The following CCDC60 variants were observed in gnomAD, a reference collection of about 807,000 sequenced individuals.
The protein encoded by CCDC60 is coiled-coil domain-containing protein 60.
Under a neutral mutation model 63.5 loss-of-function variants are expected in CCDC60, and 54 were observed. The observed-to-expected ratio is 0.85, with a 90% CI of 0.68 to 1.07. The LOEUF is 1.07. Ranked by LOEUF, CCDC60 falls within the 50% of genes least tolerant of loss-of-function variation. The pLI is 0.00. For synonymous variants in CCDC60, 206 were observed against 238.8 expected (o/e 0.86, Z 1.27); for missense variants, 651 against 684.3 (o/e 0.95, Z 0.54).
intron 2 of CCDC60, among the ~76,000 whole-genome samples, chr12:119,449,936 C>T (rs1403597207): frequency 2.6e-5 from 4 of 152,058 alleles, no homozygotes; most frequent in African/African-American, 9.7e-5. Context: ...GGGTATACAC[C>T]CAAAGAAAAA....
intron 2 of CCDC60, among the ~76,000 whole-genome samples, chr12:119,465,245 C>T (rs1240887095): frequency 4.0e-5 from 6 of 151,822 alleles, no homozygotes; most frequent in South Asian, 2.1e-4. Context: ...ACCCGGGAGG[C>T]GGAGGTTGCA....
At chr12:119,462,795 T>C (rs1239999131) in intron 2 of CCDC60, among the ~76,000 whole-genome samples, 1 of 50,538 alleles carries the variant, frequency 2.0e-5, no homozygotes, top group African/African-American at 7.5e-5. Context: ...TAACTTCATT[T>C]ATTTATTTAT....
intron 6 of CCDC60, among the ~76,000 whole-genome samples, chr12:119,500,960 C>A (rs531147787): frequency 2.6e-4 from 40 of 152,116 alleles, no homozygotes; most frequent in Non-Finnish European, 3.7e-4. Context: ...TTCTTTTTAC[C>A]CAAAAGTATT....
intron 6 of CCDC60, among the ~76,000 whole-genome samples, chr12:119,501,278 G>T (rs1951844357): frequency 6.6e-6 from 1 of 152,188 alleles, no homozygotes; most frequent in African/African-American, 2.4e-5. Context: ...AAATGGGCTA[G>T]GTTCTGTGCT....
chr12:119,369,146 A>G (rs1318531587), intron 1 of CCDC60, among the ~76,000 whole-genome samples: 2 of 152,216 alleles, frequency 1.3e-5, no homozygotes, highest in African/African-American at 4.8e-5. Context: ...AGAGAAGAAA[A>G]TAACACAAGC....
At chr12:119,511,559 A>C (rs1338856299) in intron 7 of CCDC60, among the ~76,000 whole-genome samples, 4 of 152,304 alleles carry the variant, frequency 2.6e-5, no homozygotes, top group Admixed American at 2.6e-4. Context: ...CCAGCCCCGT[A>C]CAACAAAAAG....
chr12:119,402,252 T>A (rs1010006838), intron 1 of CCDC60: 1 of 152,238 alleles, frequency 6.6e-6, no homozygotes, highest in Non-Finnish European at 1.5e-5. Context: ...CCAAAGACCC[T>A]GGCTGGTGAA....
chr12:119,438,521 G>A (rs1195074834), intron 2 of CCDC60, among the ~76,000 whole-genome samples: 1 of 152,182 alleles, frequency 6.6e-6, no homozygotes, highest in Non-Finnish European at 1.5e-5. Context: ...TATTAGCTGG[G>A]TGGCTGTACA....
intron 5 of CCDC60, among the ~76,000 whole-genome samples, chr12:119,492,065 C>G (rs1951602541): frequency 1.3e-5 from 2 of 152,164 alleles, no homozygotes; most frequent in African/African-American, 4.8e-5. Context: ...ATGCCCAGCT[C>G]TATAAAATCA....
chr12:119,519,571 T>C (rs998609644), intron 8 of CCDC60, among the ~76,000 whole-genome samples: 2 of 151,540 alleles, frequency 1.3e-5, no homozygotes, highest in African/African-American at 4.9e-5. Flanking sequence ...CAAGCGATTC[T>C]TCCACCTCAG....
At chr12:119,340,342 T>C (rs1955519235) in intron 1 of CCDC60, among the ~76,000 whole-genome samples, 1 of 152,192 alleles carries the variant, frequency 6.6e-6, no homozygotes, top group African/African-American at 2.4e-5. Flanking sequence ...CGTTGTTTAA[T>C]CCTTTCAACA....
intron 2 of CCDC60, among the ~76,000 whole-genome samples, chr12:119,440,921 T>C (rs1021262413): frequency 6.6e-6 from 1 of 151,348 alleles, no homozygotes; most frequent in Admixed American, 6.6e-5. Context: ...AGCTAATACA[T>C]GCAAAGCACT....
At chr12:119,507,567 T>TAC (rs1952057562) in intron 7 of CCDC60, among the ~76,000 whole-genome samples, 1 of 62,944 alleles carries the variant, frequency 1.6e-5, no homozygotes, top group Non-Finnish European at 2.6e-5. Flanking sequence ...TATATATATA[T>TAC]ATGTATATAT....
At position 119,531,051 on chromosome 12, in the gene CCDC60, T is replaced by C. The variant is rs1390402599; in HGVS notation, c.1539T>C (p.Ala513=). 6.2e-7 allele frequency: 1 copy of C among 1,613,904 alleles called. No homozygotes were observed. Among genetic ancestry groups the C allele is most frequent in the Non-Finnish European group, 8.5e-7 (1 of 1,179,876 alleles). The change falls in exon 13 of 14, where the codon GCT becomes GCC. Residue 513 remains alanine, a synonymous_variant. Coordinates refer to ENST00000327554, the MANE Select transcript of CCDC60 (RefSeq NM_178499.5). ...RIWELCSPDI[A]VAIEFVREHI... is the part of the protein sequence containing the mutation. ...GGGAACTGTGCTCCCCTGACATCGC[T>C]GTGGCTATTGAGGTAAACACCACCT...
chr12:119,527,297 A>G (rs192242224), intron 11 of CCDC60, among the ~76,000 whole-genome samples: 2 of 152,134 alleles, frequency 1.3e-5, no homozygotes, highest in South Asian at 4.1e-4. Flanking sequence ...GAGGAGCAAA[A>G]AAATAACTAT....
At chr12:119,411,698 C>T (rs1043426477) in intron 1 of CCDC60, among the ~76,000 whole-genome samples, 5 of 152,052 alleles carry the variant, frequency 3.3e-5, no homozygotes, top group African/African-American at 7.2e-5. Context: ...CTATGACCTT[C>T]TCGGGAGAGA....
At chr12:119,429,557 A>G (rs912090042) in intron 2 of CCDC60, 1 of 152,178 alleles carries the variant, frequency 6.6e-6, no homozygotes, top group African/African-American at 2.4e-5. Flanking sequence ...GATCTTAGAC[A>G]TCTCCCACTC....
At chr12:119,499,101 C>T (rs576642457) in intron 5 of CCDC60, among the ~76,000 whole-genome samples, 1 of 152,182 alleles carries the variant, frequency 6.6e-6, no homozygotes, top group Non-Finnish European at 1.5e-5. Context: ...CTTTAGCCCC[C>T]TCAGAGGGAT....
chr12:119,373,498 T>C (rs1038210397), intron 1 of CCDC60, among the ~76,000 whole-genome samples: 18 of 152,244 alleles, frequency 1.2e-4, no homozygotes, highest in Non-Finnish European at 1.5e-4. Flanking sequence ...GCCAAACCAC[T>C]TACTACATGC....
Sources: allele counts gnomAD v4.1 joint callset (sites outside exome capture counted in the v4.1 genomes callset), GRCh38; gene constraint gnomAD v4.1.1; transcripts MANE v1.5; gene names NCBI Gene and HGNC (gene_info 2026-07-23, HGNC 2026-07-21).